PEX13: variants seen among roughly 807,000 people sequenced by gnomAD.
PEX13 encodes the protein peroxisome biogenesis factor 13.
A neutral mutation model predicts 34.5 loss-of-function variants in PEX13; 28 were observed. The observed-to-expected ratio is 0.81, with a 90% CI of 0.60 to 1.11. The LOEUF is 1.11. Ranked by LOEUF, PEX13 falls within the 50% of genes most tolerant of loss-of-function variation. The pLI is 0.00. For missense variants in PEX13, 550 were observed against 491.0 expected, an observed-to-expected ratio of 1.12 and a Z score of -1.13; for synonymous variants, 177 against 175.1, an observed-to-expected ratio of 1.01 and a Z score of -0.09.
intron 1 of PEX13, among the ~76,000 whole-genome samples, chr2:61,021,445 G>C (rs921775157): frequency 1.6e-4 from 25 of 152,152 alleles, no homozygotes; most frequent in African/African-American, 5.8e-4. Context: ...ATCAATCTGC[G>C]AGGCAGCAGC....
intron 2 of PEX13, among the ~76,000 whole-genome samples, chr2:61,040,441 G>A (rs749873096): frequency 2.6e-5 from 4 of 151,960 alleles, no homozygotes; most frequent in African/African-American, 4.8e-5. Flanking sequence ...TTGCAGGGAC[G>A]TGGATGAAGC....
chr2:61,018,468 TA>T, intron 1 of PEX13: 2 of 763,874 alleles, frequency 2.6e-6, no homozygotes, highest in Non-Finnish European at 3.9e-6. Context: ...CTGAGGCCTG[TA>T]TTTTTTTTTT....
chr2:61,050,655 T>A lies in PEX13; in HGVS notation c.*1885T>A, dbSNP rs992547442. On this transcript the variant is annotated 3_prime_UTR_variant, in exon 4 of 4. Transcript: ENST00000295030. ...CTTTTTTTGAAACGGAGTCTCACTCTGTCGCCCAGGCTGGAGTCCAGTGGC... is the reference window on the plus strand; with the variant it reads ...CTTTTTTTGAAACGGAGTCTCACTCAGTCGCCCAGGCTGGAGTCCAGTGGC... The A allele has an allele frequency of 2.4e-4, 36 of 152,278 alleles. No individual in the cohort carries two copies. The highest frequency in any genetic ancestry group is 8.7e-4 in the African/African-American group (36 of 41,462). The allele number at this position is 152,278 out of a possible 1,614,324, so 9.4% of individuals were successfully genotyped here.
intron 2 of PEX13, among the ~76,000 whole-genome samples, chr2:61,042,151 G>A (rs1478845861): frequency 6.6e-6 from 1 of 152,178 alleles, no homozygotes; most frequent in African/African-American, 2.4e-5. Context: ...TCTGTGATGT[G>A]AAAATTATAT....
chr2:61,029,819 A>T (rs1680421115), intron 1 of PEX13, among the ~76,000 whole-genome samples: 1 of 152,086 alleles, frequency 6.6e-6, no homozygotes, highest in Admixed American at 6.5e-5. Context: ...CTCTTAAAAA[A>T]AAAAAGTATT....
chr2:61,044,342 C>T (rs1559044339), intron 2 of PEX13, among the ~76,000 whole-genome samples: 1 of 152,156 alleles, frequency 6.6e-6, no homozygotes, highest in Admixed American at 6.6e-5. Flanking sequence ...AGTCTCGGCT[C>T]ACTGCAACCT....
intron 1 of PEX13, 143 bp downstream of exon 1, chr2:61,017,994 G>A (rs1313364006): frequency 3.0e-6 from 4 of 1,321,038 alleles, no homozygotes; most frequent in Non-Finnish European, 3.1e-6. Context: ...CCGAGGTGGA[G>A]CTGGGGCGCT....
intron 1 of PEX13, among the ~76,000 whole-genome samples, chr2:61,026,805 T>C (rs1028896492): frequency 6.6e-6 from 1 of 152,246 alleles, no homozygotes; most frequent in African/African-American, 2.4e-5. Context: ...AATTAGTTTT[T>C]TTAAATTGGG....
At chr2:61,031,163 C>T (rs941316791) in intron 1 of PEX13, among the ~76,000 whole-genome samples, 1 of 152,062 alleles carries the variant, frequency 6.6e-6, no homozygotes, top group Non-Finnish European at 1.5e-5. Flanking sequence ...TGGTGGCATG[C>T]ACCTGTAGTC....
chr2:61,047,698 G>T (rs1471366483), intron 3 of PEX13, among the ~76,000 whole-genome samples: 1 of 152,042 alleles, frequency 6.6e-6, no homozygotes, highest in Non-Finnish European at 1.5e-5. Flanking sequence ...AAGTATGTTT[G>T]GGCCTTTGGA....
chr2:61,036,607 C>T (rs1308298600), intron 2 of PEX13, among the ~76,000 whole-genome samples: 1 of 152,170 alleles, frequency 6.6e-6, no homozygotes, highest in Admixed American at 6.5e-5. Flanking sequence ...GCCTGCCTTA[C>T]AAAAGCTTCT....
rs1573562221 is a variant in PEX13, at chr2:61,048,728, A to G, written c.1170A>G (p.Ala390=). 6 of 1,613,972 alleles carry G rather than the reference A, an allele frequency of 3.7e-6. No homozygotes were observed. The East Asian group carries it at 1.3e-4, about 36-fold the overall frequency. Residue 390 remains alanine (A), a synonymous_variant, in exon 4 of 4, where the codon GCA becomes GCG. Transcript: ENST00000295030. ...VFVETNKVPV[A]PDSIGKDGEK... ...TTGAAACTAATAAGGTTCCAGTTGC[A>G]CCTGATTCCATTGGGAAAGATGGAG...
At position 61,049,096 on chromosome 2, in the gene PEX13, C is replaced by A; in HGVS notation, c.*326C>A. 3.7e-6 allele frequency: 1 copy of A among 271,964 alleles called. No individual in the cohort carries two copies. Among genetic ancestry groups the A allele is most frequent in the Non-Finnish European group, 7.0e-6 (1 of 141,910 alleles). The allele number at this position is 271,964 out of a possible 1,614,324, so 16.8% of individuals were successfully genotyped here. On this transcript the variant is annotated 3_prime_UTR_variant, in exon 4 of 4. Coordinates refer to ENST00000295030, the MANE Select transcript of PEX13 (RefSeq NM_002618.4). ...GAACTATAGCATGCACAGTTTGGTACAGTAGAGATCATTAATACTTTTAAA... is the reference window on the plus strand; with the variant it reads ...GAACTATAGCATGCACAGTTTGGTAAAGTAGAGATCATTAATACTTTTAAA...
Position 61,051,963 on chromosome 2 carries a change from T to C in PEX13, c.*3193T>C, listed in dbSNP as rs1680806437. ...TAGTAGGTTGTGAAGTTACTTTTAC[T>C]GGAGAAATAAAAATATGTTAAACTT... On this transcript the variant is annotated 3_prime_UTR_variant, in exon 4 of 4. Coordinates refer to ENST00000295030, the MANE Select transcript of PEX13 (RefSeq NM_002618.4). 1 of 152,494 alleles carries C rather than the reference T, an allele frequency of 6.6e-6. No homozygotes were observed. Among genetic ancestry groups the C allele is most frequent in the South Asian group, 2.1e-4 (1 of 4,832 alleles). 9.4% of individuals were successfully genotyped at this position (152,494 alleles called of 1,614,324 possible).
chr2:61,044,245 C>G (rs1166939147), intron 2 of PEX13, among the ~76,000 whole-genome samples: 1 of 151,962 alleles, frequency 6.6e-6, no homozygotes, highest in Admixed American at 6.6e-5. Context: ...ACCACCATGT[C>G]CAGCCCAGAC....
chr2:61,031,666 C>G lies in PEX13; in HGVS notation c.340C>G (p.Pro114Ala), dbSNP rs142075378. 1.9e-6 allele frequency: 3 copies of G among 1,613,814 alleles called. No homozygotes were observed. Among genetic ancestry groups the G allele is most frequent in the Non-Finnish European group, 2.5e-6 (3 of 1,179,906 alleles). The change falls in exon 2 of 4, where the codon CCA (proline) becomes GCA (alanine). Residue 114 changes from proline (P) to alanine (A), a missense_variant. Coordinates refer to ENST00000295030, the MANE Select transcript of PEX13 (RefSeq NM_002618.4). ...GYNRLRVDDL[P>A]PSRFVQQAEE... ...CAACCGCCTCCGTGTAGATGATCTT[C>G]CACCCAGTAGATTTGTTCAGCAAGC...
chr2:61,031,452 A>G lies in PEX13; in HGVS notation c.126A>G (p.Arg42=), dbSNP rs781477994. The G allele has an allele frequency of 5.0e-6, 8 of 1,614,190 alleles. No individual in the cohort carries two copies. In the Admixed American group the frequency reaches 1.3e-4, roughly 27 times the overall value. Residue 42 remains arginine, a synonymous_variant, in exon 2 of 4, where the codon AGA becomes AGG. Coordinates refer to ENST00000295030, the MANE Select transcript of PEX13 (RefSeq NM_002618.4). ...ATTTGGGTCCTACTTTAATGACAAG[A>G]CCTGGACAACCAGCACTTACCAGAG... is the stretch of plus-strand genomic sequence containing the variant. ...SADLGPTLMT[R]PGQPALTRVP...
At chr2:61,047,924 T>A (rs1680729335) in intron 3 of PEX13, among the ~76,000 whole-genome samples, 1 of 152,340 alleles carries the variant, frequency 6.6e-6, no homozygotes, top group Non-Finnish European at 1.5e-5. Flanking sequence ...CCTTTATTTA[T>A]CATATGGCTA....
At position 61,048,669 on chromosome 2, in the gene PEX13, G is replaced by C. The variant is rs1559047319; in HGVS notation, c.1111G>C (p.Asp371His). Residue 371 changes from aspartate (D) to histidine (H), a missense_variant, in exon 4 of 4, where the codon GAT becomes CAT. Physicochemically the swap from Asp to His is moderately conservative, Grantham distance 81. Transcript: ENST00000295030. ...AGGAGCCACGGTTGCTGATTCTTTG[G>C]ATGAACAGGAAGCTGCCTTTGAATC... Reference protein sequence around the residue: ...TKGATVADSLDEQEAAFESVF... With the variant: ...TKGATVADSLHEQEAAFESVF... 6.2e-7 allele frequency: 1 copy of C among 1,613,994 alleles called. No homozygotes were observed. Among genetic ancestry groups the C allele is most frequent in the Non-Finnish European group, 8.5e-7 (1 of 1,179,872 alleles).
Sources: allele counts gnomAD v4.1 joint callset (sites outside exome capture counted in the v4.1 genomes callset), GRCh38; gene constraint gnomAD v4.1.1; transcripts MANE v1.5; gene names NCBI Gene and HGNC (gene_info 2026-07-23, HGNC 2026-07-21).